Variants in HOXC4 observed in about 807,000 individuals in gnomAD.
HOXC4 encodes the protein homeobox protein Hox-C4.
HOXC4 carries 15 observed loss-of-function variants against 25.5 expected under a neutral mutation model. The observed-to-expected ratio is 0.59, with a 90% CI of 0.39 to 0.91. The LOEUF (loss-of-function observed/expected upper bound fraction) is 0.91, where lower values mean the gene tolerates loss of function less well. Among genes scored for constraint, HOXC4 ranks in the 40% least tolerant of loss-of-function variants. The probability of loss-of-function intolerance (pLI) is 0.00; values close to 1 mark genes in which losing one functional copy is unlikely to be tolerated. For synonymous variants in HOXC4, 165 were observed against 148.0 expected (o/e 1.11, Z -0.83); for missense variants, 342 against 352.4 (o/e 0.97, Z 0.24).
intron 1 of HOXC4, among the ~76,000 whole-genome samples, chr12:54,045,528 A>G (rs181461538): frequency 6.6e-6 from 1 of 152,394 alleles, no homozygotes; most frequent in Admixed American, 6.5e-5. Context: ...CCCATAAAAT[A>G]GCTACATATT....
At chr12:54,046,613 T>C (rs868701969) in intron 1 of HOXC4, among the ~76,000 whole-genome samples, 11 of 152,126 alleles carry the variant, frequency 7.2e-5, no homozygotes, top group Middle Eastern at 3.4e-3. Context: ...GAACACAACG[T>C]GGTAGAATAA....
chr12:54,044,058 T>C (rs1437067300), intron 1 of HOXC4, among the ~76,000 whole-genome samples: 1 of 151,678 alleles, frequency 6.6e-6, no homozygotes, highest in African/African-American at 2.4e-5. Flanking sequence ...TGAGGTTTTA[T>C]TGAGGGTGCT....
chr12:54,052,073 G>A (rs146680565), upstream of HOXC4, among the ~76,000 whole-genome samples: 1 of 152,140 alleles, frequency 6.6e-6, no homozygotes, highest in African/African-American at 2.4e-5. Context: ...TGTCAACCAG[G>A]CTGGGCTGGG....
chr12:54,031,867 C>A (rs925077368), intron 1 of HOXC4, among the ~76,000 whole-genome samples: 1 of 152,202 alleles, frequency 6.6e-6, no homozygotes, highest in Non-Finnish European at 1.5e-5. Flanking sequence ...CCTGCCCACC[C>A]CCCAGGTCCG....
chr12:54,052,676 G>C (rs530465450), upstream of HOXC4, among the ~76,000 whole-genome samples: 1 of 152,082 alleles, frequency 6.6e-6, no homozygotes, highest in South Asian at 2.1e-4. Flanking sequence ...GGGTGGCAGA[G>C]AGAGAGCAGG....
chr12:54,043,276 T>A (rs1941303929), intron 1 of HOXC4, among the ~76,000 whole-genome samples: 1 of 152,336 alleles, frequency 6.6e-6, no homozygotes, highest in South Asian at 2.1e-4. Flanking sequence ...TACAGTGATC[T>A]GCAACCCCAT....
intron 1 of HOXC4, among the ~76,000 whole-genome samples, chr12:54,017,763 C>G (rs1405482545): frequency 6.6e-6 from 1 of 152,158 alleles, no homozygotes; most frequent in Admixed American, 6.5e-5. Flanking sequence ...GGTCTCTTGG[C>G]TAATGGAACT....
upstream of HOXC4, among the ~76,000 whole-genome samples, chr12:54,050,549 C>T (rs898310965): frequency 6.6e-6 from 1 of 151,938 alleles, no homozygotes; most frequent in Non-Finnish European, 1.5e-5. Flanking sequence ...CTTTAGTACC[C>T]CCACCCCCTC....
chr12:54,033,335 C>A (rs1210179296), intron 1 of HOXC4: 1 of 1,613,042 alleles, frequency 6.2e-7, no homozygotes, highest in Non-Finnish European at 8.5e-7. Context: ...GGGCTCACCC[C>A]GACCGCCCCG....
chr12:54,055,296 A>G lies in HOXC4; in HGVS notation c.*91A>G. Reference sequence around the variant, plus strand: ...TATTTATAGAATTTAATATATATATATATATATATATATATAGGTTCTTTT... The same window carrying G: ...TATTTATAGAATTTAATATATATATGTATATATATATATATAGGTTCTTTT... On this transcript the variant is annotated 3_prime_UTR_variant, in exon 2 of 2. Transcript: ENST00000430889. 1 of 263,684 alleles carries G rather than the reference A, an allele frequency of 3.8e-6. No homozygotes were observed. Among genetic ancestry groups the G allele is most frequent in the African/African-American group, 2.6e-5 (1 of 37,794 alleles). The allele number at this position is 263,684 out of a possible 1,614,324, so 16.3% of individuals were successfully genotyped here. A position where few individuals can be genotyped will look rare whatever the true frequency, so the allele number is the denominator to read the frequency against.
intron 1 of HOXC4, among the ~76,000 whole-genome samples, chr12:54,036,601 G>A (rs1239337335): frequency 1.3e-5 from 2 of 152,032 alleles, no homozygotes; most frequent in Admixed American, 6.5e-5. Context: ...CTTCCCCTTC[G>A]CACTGCACTC....
At position 54,034,044 on chromosome 12, in the gene HOXC4, C is replaced by T; in HGVS notation, c.-124+16630C>T. ...GGGTCTCCCTCTTCCCCCCAACCCC[C>T]CCTCAGCCCCTCCGGCTGCAGAGTG... On this transcript the variant is annotated intron_variant, in intron 1 of 3. Transcript: ENST00000303406. The T allele has an allele frequency of 5.7e-6, 4 of 699,552 alleles. No homozygotes were observed. The South Asian group carries it at 6.0e-5, about 10-fold the overall frequency. The allele number at this position is 699,552 out of a possible 1,614,324, so 43.3% of individuals were successfully genotyped here. A position where few individuals can be genotyped will look rare whatever the true frequency, so the allele number is the denominator to read the frequency against.
intron 1 of HOXC4, chr12:54,028,522 A>G: frequency 6.2e-7 from 1 of 1,613,532 alleles, no homozygotes; most frequent in Non-Finnish European, 8.5e-7. Context: ...AGGCAAAGGG[A>G]TGAATTCCTA....
At chr12:54,053,809 G>T, upstream of HOXC4, 1 of 740,684 alleles carries the variant, frequency 1.4e-6, no homozygotes, top group Non-Finnish European at 2.3e-6. Context: ...CCGTGTGATT[G>T]GCCGGAGGAG....
intron 1 of HOXC4, among the ~76,000 whole-genome samples, chr12:54,031,620 T>C (rs1348863568): frequency 2.6e-5 from 4 of 152,120 alleles, no homozygotes; most frequent in African/African-American, 4.8e-5. Context: ...GGGAGAGGTG[T>C]TGAGGAGGGT....
chr12:54,034,603 T>C, intron 1 of HOXC4: 3 of 865,306 alleles, frequency 3.5e-6, no homozygotes, highest in South Asian at 1.7e-5. Context: ...GCTGGAGCAC[T>C]GGGCTCCCGG....
At chr12:54,036,698 TA>T (rs1941190860) in intron 1 of HOXC4, among the ~76,000 whole-genome samples, 1 of 152,100 alleles carries the variant, frequency 6.6e-6, no homozygotes, top group Admixed American at 6.5e-5. Context: ...CTCTCTGAAA[TA>T]AAATGTGTAA....
At chr12:54,024,879 CT>C (rs1332904102) in intron 1 of HOXC4, among the ~76,000 whole-genome samples, 3 of 152,230 alleles carry the variant, frequency 2.0e-5, no homozygotes, top group African/African-American at 7.2e-5. Context: ...ATAATTAGCG[CT>C]ATCAAAAGCA....
chr12:54,025,565 G>C (rs1940661055), intron 1 of HOXC4, among the ~76,000 whole-genome samples: 1 of 150,936 alleles, frequency 6.6e-6, no homozygotes, highest in Non-Finnish European at 1.5e-5. Flanking sequence ...TTTTGCCAAA[G>C]GTCTTTAAGC....
Sources: allele counts gnomAD v4.1 joint callset (sites outside exome capture counted in the v4.1 genomes callset), GRCh38; gene constraint gnomAD v4.1.1; transcripts MANE v1.5; gene names NCBI Gene and HGNC (gene_info 2026-07-23, HGNC 2026-07-21).